Variants in CHN2 observed in about 807,000 individuals in gnomAD.
CHN2 encodes the protein chimerin 2, also known as beta-chimaerin.
CHN2 carries 35 observed loss-of-function variants against 56.3 expected under a neutral mutation model. That is an observed-to-expected ratio of 0.62 (90% confidence interval 0.47 to 0.82). The LOEUF (loss-of-function observed/expected upper bound fraction) is 0.82, where lower values mean the gene tolerates loss of function less well. Ranked by LOEUF, CHN2 falls within the 40% of genes least tolerant of loss-of-function variation. CHN2 has a pLI of 0.00. For synonymous variants in CHN2, 210 were observed against 212.8 expected (o/e 0.99, Z 0.12); for missense variants, 491 against 580.5 (o/e 0.85, Z 1.58).
intron 6 of CHN2, among the ~76,000 whole-genome samples, chr7:29,454,141 C>T (rs542043448): frequency 1.6e-4 from 24 of 152,230 alleles, no homozygotes; most frequent in African/African-American, 5.8e-4. Flanking sequence ...CACTTCAAAA[C>T]AAAGATGACA....
In CHN2 at chr7:29,459,920, G is replaced by A. The variant is rs537679781; in HGVS notation, c.577-20359G>A. Among the ~76,000 whole-genome samples, 10 of 152,292 alleles carry A rather than the reference G, an allele frequency of 6.6e-5. No individual in the cohort carries two copies. In the East Asian group the frequency reaches 1.2e-3, roughly 18 times the overall value. Reference sequence around the variant, plus strand: ...AGGAGCAGGACGGGGAGGAGGCATCGAGACAATAGAATACAATAGGCGTTC... The same window carrying A: ...AGGAGCAGGACGGGGAGGAGGCATCAAGACAATAGAATACAATAGGCGTTC... On this transcript the variant is annotated intron_variant, in intron 6 of 12. Coordinates refer to ENST00000222792, the MANE Select transcript of CHN2 (RefSeq NM_004067.4).
intron 6 of CHN2, among the ~76,000 whole-genome samples, chr7:29,452,436 C>A (rs142520442): frequency 3.3e-5 from 5 of 152,328 alleles, no homozygotes; most frequent in African/African-American, 1.2e-4. Flanking sequence ...AGCTCACTTT[C>A]CTCACCCAAG....
In CHN2 at chr7:29,490,203, C is replaced by G. The variant is rs111238812; in HGVS notation, c.655-5749C>G. Among the ~76,000 whole-genome samples the G allele has an allele frequency of 1.8e-4, 27 of 148,934 alleles. 1 individual carries two copies. Among genetic ancestry groups the G allele is most frequent in the African/African-American group, 6.7e-4 (27 of 40,362 alleles). On this transcript the variant is annotated intron_variant, in intron 7 of 12. Coordinates refer to ENST00000222792, the MANE Select transcript of CHN2 (RefSeq NM_004067.4). ...CATTGGCCTTTGGTTATGCTGTTTT[C>G]TCTTCTGTAAATGTCTTCCTCAAGT...
chr7:29,230,609 G>T (rs867045114), intron 1 of CHN2, among the ~76,000 whole-genome samples: 3 of 152,102 alleles, frequency 2.0e-5, no homozygotes, highest in Non-Finnish European at 2.9e-5. Context: ...TCAAAGTGCT[G>T]GGATTACAGG....
At chr7:29,467,751 A>T (rs1428368325) in intron 6 of CHN2, among the ~76,000 whole-genome samples, 2 of 152,190 alleles carry the variant, frequency 1.3e-5, no homozygotes, top group Admixed American at 1.3e-4. Context: ...TTGCATAGTG[A>T]GAAGTCTCTT....
intron 1 of CHN2, among the ~76,000 whole-genome samples, chr7:29,269,123 A>C (rs1027695775): frequency 6.6e-6 from 1 of 152,168 alleles, no homozygotes; most frequent in Non-Finnish European, 1.5e-5. Flanking sequence ...TGTTAGTTAT[A>C]GTCACTCTAT....
chr7:29,296,170 A>G (rs1018454177), intron 1 of CHN2, among the ~76,000 whole-genome samples: 2 of 147,678 alleles, frequency 1.4e-5, no homozygotes, highest in Non-Finnish European at 3.0e-5. Context: ...TGCAACCTCC[A>G]CCTCCCAGGT....
At chr7:29,197,233 A>G (rs1783809677) in intron 1 of CHN2, among the ~76,000 whole-genome samples, 1 of 152,192 alleles carries the variant, frequency 6.6e-6, no homozygotes, top group Admixed American at 6.5e-5. Flanking sequence ...AGGGCCTACT[A>G]TGTGCCAGGC....
intron 1 of CHN2, among the ~76,000 whole-genome samples, chr7:29,239,833 C>T (rs10269657): frequency 6.6e-6 from 1 of 152,128 alleles, no homozygotes. Context: ...ACATGCCCCA[C>T]CTAAAGAGGG....
chr7:29,408,281 A>G (rs1802851977), intron 6 of CHN2, among the ~76,000 whole-genome samples: 1 of 152,166 alleles, frequency 6.6e-6, no homozygotes, highest in Non-Finnish European at 1.5e-5. Flanking sequence ...TTCACTGGTG[A>G]AAGGCACCTG....
At chr7:29,289,570 G>C (rs899153094) in intron 1 of CHN2, among the ~76,000 whole-genome samples, 1 of 152,190 alleles carries the variant, frequency 6.6e-6, no homozygotes, top group African/African-American at 2.4e-5. Context: ...TTCTAGAACT[G>C]AACAGAGGGT....
intron 1 of CHN2, among the ~76,000 whole-genome samples, chr7:29,337,305 G>A (rs1173781324): frequency 4.6e-5 from 7 of 152,146 alleles, no homozygotes; most frequent in Non-Finnish European, 8.8e-5. Flanking sequence ...TTAAGGAAAG[G>A]TTTGTTTTAA....
chr7:29,252,994 T>C (rs1327341591), intron 1 of CHN2, among the ~76,000 whole-genome samples: 1 of 152,178 alleles, frequency 6.6e-6, no homozygotes, highest in African/African-American at 2.4e-5. Flanking sequence ...TGTAAGTGGC[T>C]TCTCATGGGA....
chr7:29,482,416 C>T (rs1787354919), intron 7 of CHN2, among the ~76,000 whole-genome samples: 1 of 152,152 alleles, frequency 6.6e-6, no homozygotes, highest in African/African-American at 2.4e-5. Flanking sequence ...TCAATCTCCC[C>T]ACTCCTCACC....
At chr7:29,489,426 C>G (rs1005658614) in intron 7 of CHN2, among the ~76,000 whole-genome samples, 24 of 152,104 alleles carry the variant, frequency 1.6e-4, no homozygotes, top group Non-Finnish European at 3.2e-4. Flanking sequence ...ATGGAAAAAG[C>G]CGACCAGTGA....
chr7:29,449,932 A>G (rs1407881262), intron 6 of CHN2, among the ~76,000 whole-genome samples: 4 of 152,126 alleles, frequency 2.6e-5, no homozygotes, highest in Non-Finnish European at 5.9e-5. Context: ...TCTTTTCTCT[A>G]TTTCCAGAGA....
At chr7:29,460,432 G>A (rs1391444401) in intron 6 of CHN2, among the ~76,000 whole-genome samples, 1 of 143,458 alleles carries the variant, frequency 7.0e-6, no homozygotes, top group Non-Finnish European at 1.5e-5. Flanking sequence ...CCAGCAGGGA[G>A]CTTCTAAGAG....
At chr7:29,470,082 A>G (rs1193817817) in intron 6 of CHN2, among the ~76,000 whole-genome samples, 5 of 152,252 alleles carry the variant, frequency 3.3e-5, no homozygotes, top group Non-Finnish European at 7.3e-5. Context: ...TGGAATATTT[A>G]CACTTGTTCA....
At chr7:29,380,245 G>A (rs1288255961) in intron 3 of CHN2, among the ~76,000 whole-genome samples, 1 of 151,752 alleles carries the variant, frequency 6.6e-6, no homozygotes, top group Non-Finnish European at 1.5e-5. Context: ...GTTCTCAAAG[G>A]GGGCAATATC....
Sources: gnomAD v4.1 joint callset for allele counts (sites outside exome capture counted in the v4.1 genomes callset) on GRCh38, gnomAD v4.1.1 for gene constraint, MANE v1.5 for transcripts, NCBI Gene and HGNC (gene_info 2026-07-23, HGNC 2026-07-21) for gene names.